The following MTAP variants were observed in gnomAD, a reference collection of about 807,000 sequenced individuals.
MTAP encodes the protein S-methyl-5'-thioadenosine phosphorylase.
MTAP carries 33 observed loss-of-function variants against 33.6 expected under a neutral mutation model. The ratio of observed to expected loss-of-function variants is 0.98; its 90% CI spans 0.74 to 1.31. The LOEUF is 1.31. Ranked by LOEUF, MTAP falls within the 40% of genes most tolerant of loss-of-function variation. The probability of loss-of-function intolerance (pLI) is 0.00; values close to 1 mark genes in which losing one functional copy is unlikely to be tolerated. For missense variants in MTAP, 367 were observed against 360.0 expected, an observed-to-expected ratio of 1.02 and a Z score of -0.16; for synonymous variants, 148 against 125.7, an observed-to-expected ratio of 1.18 and a Z score of -1.19.
rs142472141 is a variant in MTAP, at chr9:21,808,024, A to G, written c.33+5243A>G. Among the ~76,000 whole-genome samples, 299 of 152,338 alleles carry G rather than the reference A, an allele frequency of 2.0e-3. 1 individual carries two copies. The highest frequency in any genetic ancestry group is 6.6e-3 in the African/African-American group (275 of 41,578). On this transcript the variant is annotated intron_variant, in intron 1 of 7. Coordinates refer to ENST00000644715, the MANE Select transcript of MTAP (RefSeq NM_002451.4). Reference sequence around the variant, plus strand: ...AAAGCAGTGGTTCTCAAAGCGTGTCATGCATTCATATCACCTGGTCATTTG... The same window carrying G: ...AAAGCAGTGGTTCTCAAAGCGTGTCGTGCATTCATATCACCTGGTCATTTG...
intron 4 of MTAP, among the ~76,000 whole-genome samples, chr9:21,825,313 T>C (rs1483896791): frequency 6.6e-6 from 1 of 152,218 alleles, no homozygotes; most frequent in African/African-American, 2.4e-5. Flanking sequence ...ATCTTGGCTA[T>C]TGTGAATAAT....
chr9:21,925,789 G>C (rs933002680), intron 1 of MTAP, among the ~76,000 whole-genome samples: 14 of 152,194 alleles, frequency 9.2e-5, no homozygotes, highest in African/African-American at 3.4e-4. Flanking sequence ...TACTATTGAA[G>C]GGACAGAGCT....
At chr9:21,936,233 A>G (rs2131056371) in exon 8 of MTAP, 1 of 152,360 alleles carries the variant, frequency 6.6e-6, no homozygotes, top group Admixed American at 6.5e-5. Context: ...AACAATACAG[A>G]TATGGTCGCT....
chr9:21,841,282 C>T (rs914266638), intron 5 of MTAP, among the ~76,000 whole-genome samples: 5 of 151,886 alleles, frequency 3.3e-5, no homozygotes, highest in African/African-American at 1.2e-4. Context: ...GCAGCTGGTG[C>T]TCTCTTGAAA....
intron 1 of MTAP, among the ~76,000 whole-genome samples, chr9:21,915,096 TTC>T (rs201238186): frequency 0.011 from 1,498 of 138,782 alleles, 144 homozygotes; most frequent in African/African-American, 0.043. Flanking sequence ...TTTCTTTCTT[TTC>T]TTTCGGCAGA....
chr9:21,939,695 C>T (rs540655248), downstream of MTAP, among the ~76,000 whole-genome samples: 192 of 149,784 alleles, frequency 1.3e-3, 1 homozygote, highest in African/African-American at 4.5e-3. Context: ...GAAACCCCAG[C>T]TCTATGAAAA....
chr9:21,894,445 A>C (rs1818254621), intron 1 of MTAP, among the ~76,000 whole-genome samples: 1 of 151,932 alleles, frequency 6.6e-6, no homozygotes, highest in Admixed American at 6.6e-5. Flanking sequence ...TCCAAATAGA[A>C]AAAAAAGAAG....
intron 1 of MTAP, among the ~76,000 whole-genome samples, chr9:21,809,237 A>C (rs943332050): frequency 6.6e-6 from 1 of 152,120 alleles, no homozygotes; most frequent in Non-Finnish European, 1.5e-5. Context: ...TCCTGGATTT[A>C]ATCATATTTG....
At chr9:21,899,745 CG>C (rs1363765249) in intron 1 of MTAP, among the ~76,000 whole-genome samples, 3 of 152,068 alleles carry the variant, frequency 2.0e-5, no homozygotes, top group Middle Eastern at 3.2e-3. Flanking sequence ...GCCCTTGACA[CG>C]TGGGTATTAT....
Position 21,808,592 on chromosome 9 carries a change from C to CA in MTAP, c.33+5825dup, listed in dbSNP as rs570936368. Among the ~76,000 whole-genome samples, 483 of 133,648 alleles carry CA rather than the reference C, an allele frequency of 3.6e-3. 1 individual carries two copies. Among genetic ancestry groups the CA allele is most frequent in the Middle Eastern group, 0.012 (3 of 256 alleles). 87.7% of individuals were successfully genotyped at this position (133,648 alleles called of 152,430 possible). A position where few individuals can be genotyped will look rare whatever the true frequency, so the allele number is the denominator to read the frequency against. On this transcript the variant is annotated intron_variant, in intron 1 of 7. Coordinates refer to ENST00000644715, the MANE Select transcript of MTAP (RefSeq NM_002451.4). ...GGGTGACAAAGTGAGACTCTGTTTC[C>CA]AAAAAAAAAAAAAACACACACACAC...
rs1015654882 is a variant in MTAP, at chr9:21,922,923, A to G, written c.148-8085A>G. 3.3e-5 allele frequency among the ~76,000 whole-genome samples: 5 copies of G among 151,984 alleles called. No homozygotes were observed. The highest frequency in any genetic ancestry group is 1.9e-4 in the East Asian group (1 of 5,174). On this transcript the variant is annotated intron_variant, in intron 1 of 1. Transcript: ENST00000577563. The surrounding 1 kb of genome is among the most constrained non-coding windows in gnomAD (Gnocchi z 4.8). The stretch of plus-strand genomic sequence containing the variant: ...AGCCTAACACTGTGCAATGTCTGCA[A>G]TTTCCTCTGCTTTTTCAAATACAAT...
chr9:21,809,513 C>G (rs1412910094), intron 1 of MTAP, among the ~76,000 whole-genome samples: 1 of 152,032 alleles, frequency 6.6e-6, no homozygotes, highest in East Asian at 1.9e-4. Flanking sequence ...GTGGCAGCCT[C>G]CTGTCATCCC....
At chr9:21,938,400 C>G (rs1185971046), downstream of MTAP, among the ~76,000 whole-genome samples, 2 of 150,694 alleles carry the variant, frequency 1.3e-5, no homozygotes, top group African/African-American at 4.9e-5. Context: ...GATTATGCTA[C>G]TGTATTCCAG....
intron 1 of MTAP, among the ~76,000 whole-genome samples, chr9:21,895,803 G>A (rs1380061295): frequency 6.6e-6 from 1 of 152,134 alleles, no homozygotes; most frequent in Non-Finnish European, 1.5e-5. Context: ...GGTAAACAAA[G>A]CGGCCAGGAA....
At chr9:21,918,955 TGAA>T (rs1818740311) in intron 1 of MTAP, among the ~76,000 whole-genome samples, 1 of 152,104 alleles carries the variant, frequency 6.6e-6, no homozygotes, top group African/African-American at 2.4e-5. Flanking sequence ...AGAATCCACT[TGAA>T]GAAAGGGAAG....
At chr9:21,907,216 G>A (rs556869241) in intron 1 of MTAP, among the ~76,000 whole-genome samples, 2 of 152,352 alleles carry the variant, frequency 1.3e-5, no homozygotes, top group East Asian at 3.9e-4. Context: ...GCACTAACCT[G>A]TAAAGGCTGT....
chr9:21,869,052 C>T (rs1184153546), downstream of MTAP, among the ~76,000 whole-genome samples: 1 of 152,168 alleles, frequency 6.6e-6, no homozygotes, highest in African/African-American at 2.4e-5. Flanking sequence ...CTAGTAACTA[C>T]CCATTTCATA....
intron 1 of MTAP, among the ~76,000 whole-genome samples, chr9:21,911,980 C>A (rs1322001569): frequency 1.3e-5 from 2 of 152,092 alleles, no homozygotes; most frequent in African/African-American, 4.8e-5. Flanking sequence ...ATACAAACTA[C>A]CATCAGAGAA....
intron 1 of MTAP, among the ~76,000 whole-genome samples, chr9:21,877,134 T>C (rs1362886386): frequency 6.6e-6 from 1 of 152,122 alleles, no homozygotes; most frequent in Non-Finnish European, 1.5e-5. Context: ...GTGAATGGGA[T>C]TGCATTCCTG....
Sources: gnomAD v4.1 joint callset for allele counts (sites outside exome capture counted in the v4.1 genomes callset) on GRCh38, gnomAD v4.1.1 for gene constraint, Gnocchi (gnomAD v3.1) non-coding constraint, MANE v1.5 for transcripts, NCBI Gene and HGNC (gene_info 2026-07-23, HGNC 2026-07-21) for gene names.